TMEM132D: variants seen among roughly 807,000 people sequenced by gnomAD.
TMEM132D encodes the protein mature OL transmembrane protein.
Under a neutral mutation model 62.3 loss-of-function variants are expected in TMEM132D, and 21 were observed. The ratio of observed to expected loss-of-function variants is 0.34; its 90% CI spans 0.24 to 0.49. The LOEUF is 0.49. Among genes scored for constraint, TMEM132D ranks in the 20% least tolerant of loss-of-function variants. The pLI, the probability that TMEM132D is intolerant of heterozygous loss-of-function variation, is 0.99. For missense variants in TMEM132D, 1,346 were observed against 1,402.8 expected (o/e 0.96, Z 0.65); for synonymous variants, 621 against 575.6 (o/e 1.08, Z -1.13).
intron 1 of TMEM132D, among the ~76,000 whole-genome samples, chr12:129,802,936 CAAAG>C (rs1408228125): frequency 1.3e-5 from 2 of 150,692 alleles, no homozygotes; most frequent in African/African-American, 2.4e-5. Context: ...TCAAAAGAGA[CAAAG>C]AAGGCCATTA....
intron 1 of TMEM132D, among the ~76,000 whole-genome samples, chr12:129,876,428 T>A (rs1468102272): frequency 1.3e-5 from 2 of 152,202 alleles, no homozygotes; most frequent in Non-Finnish European, 2.9e-5. Context: ...GGCTAAGGAT[T>A]ATTGGTTGAC....
At chr12:129,292,277 T>C (rs1283873077) in intron 4 of TMEM132D, among the ~76,000 whole-genome samples, 1 of 152,236 alleles carries the variant, frequency 6.6e-6, no homozygotes, top group African/African-American at 2.4e-5. Context: ...CTCTGCTCTT[T>C]CCAAAATGTA....
chr12:129,673,578 G>A (rs377640421), intron 2 of TMEM132D, among the ~76,000 whole-genome samples: 38 of 152,220 alleles, frequency 2.5e-4, no homozygotes, highest in African/African-American at 6.3e-4. Context: ...TAGTCTTCTC[G>A]TGTCCGAATA....
At chr12:129,374,449 A>C (rs1566049032) in intron 3 of TMEM132D, among the ~76,000 whole-genome samples, 1 of 152,156 alleles carries the variant, frequency 6.6e-6, no homozygotes, top group African/African-American at 2.4e-5. Flanking sequence ...GGATGGACAC[A>C]TTCAGTGCAT....
intron 3 of TMEM132D, among the ~76,000 whole-genome samples, chr12:129,519,097 T>C (rs1875770716): frequency 1.3e-5 from 2 of 152,208 alleles, no homozygotes; most frequent in South Asian, 4.1e-4. Flanking sequence ...ATGTCTTACC[T>C]GTTTTAAGAA....
At chr12:129,774,161 A>G (rs922079041) in intron 1 of TMEM132D, among the ~76,000 whole-genome samples, 2 of 152,178 alleles carry the variant, frequency 1.3e-5, no homozygotes, top group Non-Finnish European at 2.9e-5. Flanking sequence ...TTGCCTGACC[A>G]GGGGTGTGTC....
At chr12:129,355,804 G>A (rs1870023071) in intron 3 of TMEM132D, among the ~76,000 whole-genome samples, 1 of 152,238 alleles carries the variant, frequency 6.6e-6, no homozygotes, top group East Asian at 1.9e-4. Context: ...AGTTTCTGAA[G>A]TCTCCTTGCC....
chr12:129,329,626 G>T lies in TMEM132D; in HGVS notation c.1299+8008C>A, dbSNP rs549656814. 1.4e-3 allele frequency among the ~76,000 whole-genome samples: 208 copies of T among 152,268 alleles called. 7 individuals carry two copies. Among genetic ancestry groups the T allele is most frequent in the Non-Finnish European group, 1.0e-3 (68 of 68,030 alleles). On this transcript the variant is annotated intron_variant, in intron 4 of 8. Coordinates refer to ENST00000422113, the MANE Select transcript of TMEM132D (RefSeq NM_133448.3). The stretch of plus-strand genomic sequence containing the variant: ...CATTACTTGTACTGACTTCAAAACT[G>T]CAGGGAGATAGGTGGCCTGGGTTAC...
chr12:129,700,644 G>A lies in TMEM132D; in HGVS notation c.134C>T (p.Thr45Ile), dbSNP rs2137227913. The A allele has an allele frequency of 5.0e-6, 8 of 1,613,932 alleles. No individual in the cohort carries two copies. The highest frequency in any genetic ancestry group is 6.8e-6 in the Non-Finnish European group (8 of 1,180,006). Reference sequence around the variant, plus strand: ...GATGTGGTAGGTCACGGGGAGGTAGGTGGGCAGCAAGGAAAACCTCTGGAT... The same window carrying A: ...GATGTGGTAGGTCACGGGGAGGTAGATGGGCAGCAAGGAAAACCTCTGGAT... Reference protein sequence around the residue: ...ESIQRFSLLPTYLPVTYHINN... With the variant: ...ESIQRFSLLPIYLPVTYHINN... The change falls in exon 2 of 9, where the codon ACC becomes ATC. Residue 45 changes from threonine to isoleucine, a missense_variant. Physicochemically the swap from Thr to Ile is moderately conservative, Grantham distance 89. Coordinates refer to ENST00000422113, the MANE Select transcript of TMEM132D (RefSeq NM_133448.3).
rs183995323 is a variant in TMEM132D at position 129,776,747 on chromosome 12, G to A, written c.80-76049C>T. Among the ~76,000 whole-genome samples the A allele has an allele frequency of 3.9e-5, 5 of 128,234 alleles. No homozygotes were observed. The East Asian group carries it at 1.2e-3, about 31-fold the overall frequency. 84.1% of individuals were successfully genotyped at this position (128,234 alleles called of 152,430 possible). A position where few individuals can be genotyped will look rare whatever the true frequency, so the allele number is the denominator to read the frequency against. On this transcript the variant is annotated intron_variant, in intron 1 of 8. Transcript: ENST00000422113. ...TAACTAGGAAAGAAATAGTGGCAAC[G>A]ACATGTCAGGTCTGTAGCTACATTT...
chr12:129,312,139 T>C (rs1023467875), intron 4 of TMEM132D, among the ~76,000 whole-genome samples: 5 of 152,206 alleles, frequency 3.3e-5, no homozygotes, highest in Admixed American at 6.5e-5. Flanking sequence ...GTCTTAAGCT[T>C]AGAAAACAGC....
At chr12:129,666,503 C>T (rs568036739) in intron 2 of TMEM132D, among the ~76,000 whole-genome samples, 16 of 152,250 alleles carry the variant, frequency 1.1e-4, no homozygotes, top group Non-Finnish European at 1.9e-4. Context: ...AAAATGTAGA[C>T]ATTTGGTCTA....
At chr12:129,499,545 C>T (rs1031654254) in intron 3 of TMEM132D, among the ~76,000 whole-genome samples, 3 of 152,208 alleles carry the variant, frequency 2.0e-5, no homozygotes, top group African/African-American at 4.8e-5. Context: ...CCCTTTCCCC[C>T]ATAGGGACAC....
At chr12:129,214,033 T>C (rs1205957193) in intron 4 of TMEM132D, among the ~76,000 whole-genome samples, 2 of 152,204 alleles carry the variant, frequency 1.3e-5, no homozygotes, top group African/African-American at 2.4e-5. Context: ...TAAGTGCTGC[T>C]CCTAAACAGA....
At chr12:129,643,661 T>G (rs1033553815) in intron 2 of TMEM132D, among the ~76,000 whole-genome samples, 8 of 152,160 alleles carry the variant, frequency 5.3e-5, no homozygotes, top group Non-Finnish European at 1.2e-4. Context: ...CCCATTCTAT[T>G]CAAAGTCCCC....
chr12:129,494,212 C>T (rs1256102053), intron 3 of TMEM132D, among the ~76,000 whole-genome samples: 1 of 152,172 alleles, frequency 6.6e-6, no homozygotes, highest in African/African-American at 2.4e-5. Context: ...GTTAGAGAGC[C>T]GCGCTTCTCT....
intron 3 of TMEM132D, among the ~76,000 whole-genome samples, chr12:129,485,207 C>G (rs1263719058): frequency 6.6e-6 from 1 of 152,090 alleles, no homozygotes; most frequent in East Asian, 1.9e-4. Flanking sequence ...CACGGGGAAA[C>G]CCAGGAGACA....
rs74817193 is a variant in TMEM132D, at chr12:129,147,768, A to T, written c.1443+61752T>A. Among the ~76,000 whole-genome samples the T allele has an allele frequency of 2.8e-3, 428 of 152,056 alleles. 11 individuals carry two copies. In the East Asian group the frequency reaches 0.053, roughly 19 times the overall value. Reference sequence around the variant, plus strand: ...GGTCAAGGTGTTGGCTGCTATGTCCACTCTGTAGTTGCTATTTATTTTTTC... The same window carrying T: ...GGTCAAGGTGTTGGCTGCTATGTCCTCTCTGTAGTTGCTATTTATTTTTTC... On this transcript the variant is annotated intron_variant, in intron 5 of 8. Transcript: ENST00000422113.
chr12:129,148,254 G>T lies in TMEM132D; in HGVS notation c.1443+61266C>A, dbSNP rs768384520. On this transcript the variant is annotated intron_variant, in intron 5 of 8. Transcript: ENST00000422113. The stretch of plus-strand genomic sequence containing the variant: ...AAGATAAAATCTATAGCCCCATGTG[G>T]GTGGCAGAATAATGGCCCCCAAAGA... Among the ~76,000 whole-genome samples the T allele has an allele frequency of 1.3e-5, 2 of 152,152 alleles. 1 individual carries two copies. Among genetic ancestry groups the T allele is most frequent in the Non-Finnish European group, 2.9e-5 (2 of 68,024 alleles).
Sources: allele counts gnomAD v4.1 joint callset (sites outside exome capture counted in the v4.1 genomes callset), GRCh38; gene constraint gnomAD v4.1.1; transcripts MANE v1.5; gene names NCBI Gene and HGNC (gene_info 2026-07-23, HGNC 2026-07-21).